Variants in SPAG16 observed in about 807,000 individuals in gnomAD.
The protein encoded by SPAG16 is sperm-associated antigen 16 protein.
Under a neutral mutation model 80.4 loss-of-function variants are expected in SPAG16, and 86 were observed. The ratio of observed to expected loss-of-function variants is 1.07; its 90% CI spans 0.90 to 1.28. SPAG16 has a LOEUF of 1.28. SPAG16 is among the 50% of genes most tolerant of loss of function. The probability of loss-of-function intolerance (pLI) is 0.00; values close to 1 mark genes in which losing one functional copy is unlikely to be tolerated. For missense variants in SPAG16, 870 were observed against 765.3 expected (o/e 1.14, Z -1.61); for synonymous variants, 294 against 265.9 (o/e 1.11, Z -1.03).
intron 10 of SPAG16, among the ~76,000 whole-genome samples, chr2:213,665,968 T>G (rs558811602): frequency 6.6e-6 from 1 of 152,122 alleles, no homozygotes; most frequent in Non-Finnish European, 1.5e-5. Context: ...TTATTTACAA[T>G]GTGAGAGTTG....
intron 15 of SPAG16, among the ~76,000 whole-genome samples, chr2:214,350,036 T>A (rs1698295871): frequency 6.6e-6 from 1 of 152,238 alleles, no homozygotes; most frequent in Non-Finnish European, 1.5e-5. Flanking sequence ...AATGTTCCTC[T>A]CAAAACTTTA....
At chr2:213,910,076 G>A (rs1221900051) in intron 11 of SPAG16, among the ~76,000 whole-genome samples, 2 of 152,062 alleles carry the variant, frequency 1.3e-5, no homozygotes, top group East Asian at 1.9e-4. Flanking sequence ...GAAGATATTT[G>A]AGCTTAATTT....
chr2:213,588,688 G>C (rs1334665102), intron 10 of SPAG16, among the ~76,000 whole-genome samples: 1 of 150,946 alleles, frequency 6.6e-6, no homozygotes, highest in Non-Finnish European at 1.5e-5. Flanking sequence ...TGTAGTCCCA[G>C]CTACTCGGGA....
In SPAG16 at chr2:213,375,066, C is replaced by T. The variant is rs778291537; in HGVS notation, c.889C>T (p.Arg297Cys). 32 of 1,610,144 alleles carry T rather than the reference C, an allele frequency of 2.0e-5. No homozygotes were observed. The highest frequency in any genetic ancestry group is 2.7e-5 in the African/African-American group (2 of 74,626). The change falls in exon 9 of 16, where the codon CGT (arginine) becomes TGT (cysteine). Residue 297 changes from arginine (R) to cysteine (C), a missense_variant. Transcript: ENST00000331683. The part of the protein sequence containing the change: ...APEGPTQKGL[R>C]EAREQNKCKT... ...AGAAGGTCCTACTCAGAAAGGTCTT[C>T]GTGAAGCCAGGGAACAAAACAAATG...
At chr2:214,190,799 C>T (rs1005683230) in intron 15 of SPAG16, among the ~76,000 whole-genome samples, 2 of 152,188 alleles carry the variant, frequency 1.3e-5, no homozygotes, top group African/African-American at 4.8e-5. Flanking sequence ...ACCAGGAAGG[C>T]GCCCTCACCA....
chr2:213,323,705 G>A (rs2063726057), intron 5 of SPAG16, among the ~76,000 whole-genome samples: 1 of 152,164 alleles, frequency 6.6e-6, no homozygotes, highest in South Asian at 2.1e-4. Context: ...ATTCACAACA[G>A]CCAAATTATA....
chr2:213,469,455 GACA>G (rs1417946091), intron 9 of SPAG16, among the ~76,000 whole-genome samples: 1 of 151,664 alleles, frequency 6.6e-6, no homozygotes, highest in Non-Finnish European at 1.5e-5. Context: ...AAATACTTAT[GACA>G]ATTACAGTCC....
At chr2:213,338,724 G>GAGTT (rs2064514643) in intron 5 of SPAG16, among the ~76,000 whole-genome samples, 1 of 152,136 alleles carries the variant, frequency 6.6e-6, no homozygotes, top group South Asian at 2.1e-4. Context: ...GACATGGATG[G>GAGTT]AGTTGGAAGC....
chr2:213,528,133 G>A (rs1420969009), intron 10 of SPAG16, among the ~76,000 whole-genome samples: 2 of 152,122 alleles, frequency 1.3e-5, no homozygotes, highest in Non-Finnish European at 2.9e-5. Context: ...ACAAACCTAT[G>A]TTTTCAACGG....
intron 14 of SPAG16, among the ~76,000 whole-genome samples, chr2:214,123,542 A>T (rs780332017): frequency 9.2e-5 from 14 of 152,040 alleles, no homozygotes; most frequent in African/African-American, 3.4e-4. Context: ...CTAAATAGTG[A>T]GAGTTCAGCA....
intron 1 of SPAG16, among the ~76,000 whole-genome samples, chr2:213,287,803 G>C (rs950931138): frequency 2.6e-5 from 4 of 152,090 alleles, no homozygotes; most frequent in Non-Finnish European, 5.9e-5. Context: ...TGAAATATGA[G>C]GATCACACTA....
intron 15 of SPAG16, among the ~76,000 whole-genome samples, chr2:214,366,798 A>G (rs546991255): frequency 6.6e-6 from 1 of 152,258 alleles, no homozygotes; most frequent in African/African-American, 2.4e-5. Context: ...AGCTCCTGCC[A>G]TCTGCTTTAA....
intron 15 of SPAG16, among the ~76,000 whole-genome samples, chr2:214,359,585 T>A (rs1329058326): frequency 6.6e-6 from 1 of 151,934 alleles, no homozygotes; most frequent in African/African-American, 2.4e-5. Flanking sequence ...GCAGATGAAC[T>A]ATTAACTTTC....
At chr2:213,927,824 T>A (rs2078554738) in intron 11 of SPAG16, among the ~76,000 whole-genome samples, 1 of 152,202 alleles carries the variant, frequency 6.6e-6, no homozygotes, top group African/African-American at 2.4e-5. Flanking sequence ...TATGCTAAGA[T>A]TTTGGTCCAT....
At chr2:213,630,458 A>G (rs2062109497) in intron 10 of SPAG16, among the ~76,000 whole-genome samples, 1 of 152,140 alleles carries the variant, frequency 6.6e-6, no homozygotes, top group Admixed American at 6.6e-5. Flanking sequence ...CATCAATTAT[A>G]TCATGTCTAT....
chr2:214,067,355 A>G (rs918327), intron 13 of SPAG16, among the ~76,000 whole-genome samples: 146,630 of 152,236 alleles, frequency 0.96, 70,786 homozygotes, highest in Non-Finnish European at 0.99. Context: ...AACATTGTGT[A>G]GCACACAATA....
intron 13 of SPAG16, among the ~76,000 whole-genome samples, chr2:214,080,657 A>G (rs1165133477): frequency 1.3e-5 from 2 of 151,886 alleles, no homozygotes; most frequent in Non-Finnish European, 2.9e-5. Flanking sequence ...GAAAAATTCT[A>G]ACCACATTAA....
chr2:214,404,778 AT>A (rs1701904123), intron 15 of SPAG16, among the ~76,000 whole-genome samples: 1 of 152,264 alleles, frequency 6.6e-6, no homozygotes, highest in African/African-American at 2.4e-5. Context: ...AGAAAAAAAA[AT>A]AATTAGTATT....
At chr2:213,411,008 A>T (rs1258710033) in intron 9 of SPAG16, among the ~76,000 whole-genome samples, 2 of 152,210 alleles carry the variant, frequency 1.3e-5, no homozygotes, top group African/African-American at 4.8e-5. Context: ...ACCTGAAGGG[A>T]TGCAGTGAGC....
Sources: gnomAD v4.1 joint callset for allele counts (sites outside exome capture counted in the v4.1 genomes callset) on GRCh38, gnomAD v4.1.1 for gene constraint, MANE v1.5 for transcripts, NCBI Gene and HGNC (gene_info 2026-07-23, HGNC 2026-07-21) for gene names.